PRLR: variants seen among roughly 807,000 people sequenced by gnomAD.
PRLR encodes hPRL receptor.
PRLR carries 13 observed loss-of-function variants against 40.2 expected under a neutral mutation model. That is an observed-to-expected ratio of 0.32 (90% CI 0.21 to 0.51). PRLR has a LOEUF of 0.51. Among genes scored for constraint, PRLR ranks in the 20% least tolerant of loss-of-function variants. PRLR has a pLI of 0.97. For missense variants in PRLR, 656 were observed against 747.3 expected (o/e 0.88, Z 1.42); for synonymous variants, 269 against 278.7 (o/e 0.97, Z 0.35).
At chr5:35,100,752 T>C (rs937800236) in intron 2 of PRLR, among the ~76,000 whole-genome samples, 4 of 152,192 alleles carry the variant, frequency 2.6e-5, no homozygotes, top group African/African-American at 9.7e-5. Flanking sequence ...AGTCCTGGTC[T>C]TTAAAGCTTT....
In PRLR at chr5:35,065,223, C is replaced by T. The variant is rs368429661; in HGVS notation, c.1735G>A (p.Ala579Thr). The change falls in exon 10 of 10, where the codon GCC (alanine) becomes ACC (threonine). Residue 579 changes from alanine to threonine, a missense_variant. Transcript: ENST00000618457. ...VACFEESAKE[A>T]PPSLEQNQAE... ...TGATTCTGTTCAAGTGATGGTGGGG[C>T]CTCTTTGGCTGATTCTTCAAAGCAA... is the stretch of plus-strand genomic sequence containing the variant. 15 of 1,613,992 alleles carry T rather than the reference C, an allele frequency of 9.3e-6. No individual in the cohort carries two copies. In the East Asian group the frequency reaches 3.1e-4, roughly 34 times the overall value.
chr5:35,200,322 G>T (rs1416621189), intron 1 of PRLR, among the ~76,000 whole-genome samples: 1 of 152,196 alleles, frequency 6.6e-6, no homozygotes, highest in African/African-American at 2.4e-5. Flanking sequence ...GCTACATGCT[G>T]CCCCAGAACC....
chr5:35,196,148 G>A (rs934403632), intron 1 of PRLR, among the ~76,000 whole-genome samples: 1 of 152,124 alleles, frequency 6.6e-6, no homozygotes, highest in African/African-American at 2.4e-5. Context: ...CAGGAGAATG[G>A]TTCATTCTGA....
At position 35,060,510 on chromosome 5, in the gene PRLR, A is replaced by T. The variant is rs1768973381; in HGVS notation, c.*4579T>A. 6.6e-6 allele frequency: 1 copy of T among 152,224 alleles called. No homozygotes were observed. Among genetic ancestry groups the T allele is most frequent in the African/African-American group, 2.4e-5 (1 of 41,448 alleles). The allele number at this position is 152,224 out of a possible 1,614,324, so 9.4% of individuals were successfully genotyped here. A position where few individuals can be genotyped will look rare whatever the true frequency, so the allele number is the denominator to read the frequency against. Reference sequence around the variant, plus strand: ...TGAAACCCTGGATTTTACCTAGATCATGAGAGGTCTTAGAAACCTTTTAGG... The same window carrying T: ...TGAAACCCTGGATTTTACCTAGATCTTGAGAGGTCTTAGAAACCTTTTAGG... On this transcript the variant is annotated 3_prime_UTR_variant, in exon 10 of 10. Transcript: ENST00000618457.
At chr5:35,050,279 T>G (rs2112321042) in intron 8 of PRLR, among the ~76,000 whole-genome samples, 1 of 152,352 alleles carries the variant, frequency 6.6e-6, no homozygotes, top group South Asian at 2.1e-4. Flanking sequence ...AAAACTGGGA[T>G]GAAGAGGAAA....
At chr5:35,134,063 G>A (rs982232954) in intron 1 of PRLR, among the ~76,000 whole-genome samples, 1 of 152,240 alleles carries the variant, frequency 6.6e-6, no homozygotes, top group South Asian at 2.1e-4. Context: ...AGGGATAAAA[G>A]ACTACAAATT....
chr5:35,110,143 C>A (rs1177896714), intron 2 of PRLR, among the ~76,000 whole-genome samples: 2 of 152,140 alleles, frequency 1.3e-5, no homozygotes, highest in African/African-American at 4.8e-5. Flanking sequence ...CGCATGTTCT[C>A]ACTCACAGAT....
chr5:35,120,561 G>T (rs1236392453), intron 1 of PRLR, among the ~76,000 whole-genome samples: 1 of 152,124 alleles, frequency 6.6e-6, no homozygotes, highest in African/African-American at 2.4e-5. Flanking sequence ...TATGGGGTGG[G>T]GAGACATAAT....
chr5:35,144,144 C>T (rs1437227066), intron 1 of PRLR, among the ~76,000 whole-genome samples: 2 of 142,140 alleles, frequency 1.4e-5, no homozygotes, highest in South Asian at 4.6e-4. Flanking sequence ...AAAAAAAAAC[C>T]CAGAACAACA....
chr5:35,093,269 T>A (rs1771333758), intron 2 of PRLR, among the ~76,000 whole-genome samples: 1 of 152,156 alleles, frequency 6.6e-6, no homozygotes, highest in African/African-American at 2.4e-5. Context: ...TGTGGCCTCA[T>A]GAGAGTTAAA....
chr5:35,087,113 C>T (rs1284369522), intron 3 of PRLR, among the ~76,000 whole-genome samples: 1 of 152,114 alleles, frequency 6.6e-6, no homozygotes, highest in Non-Finnish European at 1.5e-5. Context: ...GCCTCAGCCT[C>T]CTGAGCAGCT....
intron 1 of PRLR, among the ~76,000 whole-genome samples, chr5:35,130,554 T>C (rs914928800): frequency 6.6e-6 from 1 of 152,164 alleles, no homozygotes; most frequent in African/African-American, 2.4e-5. Context: ...TCTCAATCCT[T>C]GTCAAAAATC....
chr5:35,168,778 T>C lies in PRLR; in HGVS notation c.-105-50656A>G, dbSNP rs193055139. ...AAGTTTGAAGATCTTGTTTTATTTATGGTGCAGGTACATCATGGATTTCAC... is the reference window on the plus strand; with the variant it reads ...AAGTTTGAAGATCTTGTTTTATTTACGGTGCAGGTACATCATGGATTTCAC... On this transcript the variant is annotated intron_variant, in intron 1 of 9. Transcript: ENST00000618457. 6.5e-3 allele frequency among the ~76,000 whole-genome samples: 987 copies of C among 152,284 alleles called. 5 individuals are homozygous for C. Among genetic ancestry groups the C allele is most frequent in the Non-Finnish European group, 0.011 (746 of 67,978 alleles).
At chr5:35,180,447 T>C (rs975351175) in intron 1 of PRLR, among the ~76,000 whole-genome samples, 2 of 152,178 alleles carry the variant, frequency 1.3e-5, no homozygotes, top group Admixed American at 1.3e-4. Context: ...CCATGTGACA[T>C]ACCTGTTGCC....
intron 1 of PRLR, among the ~76,000 whole-genome samples, chr5:35,159,670 C>A (rs1774617706): frequency 6.6e-6 from 1 of 152,160 alleles, no homozygotes; most frequent in South Asian, 2.1e-4. Flanking sequence ...CCAAGTAATT[C>A]CTTTCATTGT....
At chr5:35,068,166 T>A (rs1383889635) in intron 9 of PRLR, 50 bp downstream of exon 9, 1 of 1,484,612 alleles carries the variant, frequency 6.7e-7, no homozygotes, top group Non-Finnish European at 9.4e-7. Context: ...GTAGAGTTAA[T>A]TACTACAGAG....
At chr5:35,195,183 G>A (rs1775702864) in intron 1 of PRLR, 1 of 152,274 alleles carries the variant, frequency 6.6e-6, no homozygotes, top group Admixed American at 6.5e-5. Context: ...GTGCGATCTA[G>A]AGATGTTCTC....
chr5:35,119,738 C>T (rs926209170), intron 1 of PRLR, among the ~76,000 whole-genome samples: 4 of 152,136 alleles, frequency 2.6e-5, no homozygotes, highest in South Asian at 4.1e-4. Context: ...AATCCTGCTC[C>T]GTTCTGTCAT....
At chr5:35,192,880 A>G (rs1202950437) in intron 1 of PRLR, among the ~76,000 whole-genome samples, 1 of 152,192 alleles carries the variant, frequency 6.6e-6, no homozygotes, top group Non-Finnish European at 1.5e-5. Flanking sequence ...GTACAGCAGA[A>G]GCAGCCAGAT....
Sources: allele counts gnomAD v4.1 joint callset (sites outside exome capture counted in the v4.1 genomes callset), GRCh38; gene constraint gnomAD v4.1.1; transcripts MANE v1.5; gene names NCBI Gene and HGNC (gene_info 2026-07-23, HGNC 2026-07-21).